Variants in VPS29 observed in about 807,000 individuals in gnomAD.
VPS29 encodes VPS29 retromer complex component.
A neutral mutation model predicts 20.0 loss-of-function variants in VPS29; 2 were observed. That is an observed-to-expected ratio of 0.10 (90% CI 0.04 to 0.31). The LOEUF (loss-of-function observed/expected upper bound fraction) is 0.31. Among genes scored for constraint, VPS29 ranks in the 10% least tolerant of loss-of-function variants. The probability of loss-of-function intolerance (pLI) is 1.00; values close to 1 mark genes in which losing one functional copy is unlikely to be tolerated. For missense variants in VPS29, 120 were observed against 215.3 expected, an observed-to-expected ratio of 0.56 and a Z score of 2.77; for synonymous variants, 81 against 79.3, an observed-to-expected ratio of 1.02 and a Z score of -0.12.
In VPS29 at chr12:110,501,429, T is replaced by TAGCA. The variant is rs1045489163; in HGVS notation, c.3+616_3+619dup. 3.8e-5 allele frequency: 58 copies of TAGCA among 1,535,396 alleles called. No individual in the cohort carries two copies. In the African/African-American group the frequency reaches 7.7e-4, roughly 20 times the overall value. On this transcript the variant is annotated intron_variant, in intron 1 of 3. Coordinates refer to ENST00000549578, the MANE Select transcript of VPS29 (RefSeq NM_016226.5). ...TAAGGAATCCTACCCTAAAGAGGCG[T>TAGCA]AGCAACCCGTGGAAAGAAACAGTTC...
chr12:110,492,223 C>T, intron 3 of VPS29, 101 bp from the exon 4 acceptor site: 1 of 916,192 alleles, frequency 1.1e-6, no homozygotes, highest in South Asian at 1.5e-5. Flanking sequence ...AAATCTGTTA[C>T]ATATCACATG....
At chr12:110,495,958 T>C in intron 2 of VPS29, 54 bp downstream of exon 2, 1 of 1,423,466 alleles carries the variant, frequency 7.0e-7, no homozygotes, top group South Asian at 1.7e-5. Context: ...AAAGCTTATG[T>C]AAGTAATAAT....
chr12:110,493,846 A>C (rs1003612238), intron 2 of VPS29, among the ~76,000 whole-genome samples: 2 of 152,094 alleles, frequency 1.3e-5, no homozygotes, highest in South Asian at 4.1e-4. Context: ...ATTTTCCTTT[A>C]CCTAAGGCAT....
At position 110,491,790 on chromosome 12, in the gene VPS29, G is replaced by C. The variant is rs2062820870; in HGVS notation, c.*215C>G. 1 of 457,510 alleles carries C rather than the reference G, an allele frequency of 2.2e-6. No homozygotes were observed. Among genetic ancestry groups the C allele is most frequent in the Non-Finnish European group, 3.8e-6 (1 of 260,112 alleles). 28.3% of individuals were successfully genotyped at this position (457,510 alleles called of 1,614,324 possible). A position where few individuals can be genotyped will look rare whatever the true frequency, so the allele number is the denominator to read the frequency against. On this transcript the variant is annotated 3_prime_UTR_variant, in exon 4 of 4. Coordinates refer to ENST00000549578, the MANE Select transcript of VPS29 (RefSeq NM_016226.5). ...ACAAGTGACCAATTACTGTGTTGTG[G>C]ACATTTTTTCATAGAATCCATATAC... is the stretch of plus-strand genomic sequence containing the variant.
intron 1 of VPS29, chr12:110,496,472 A>C: frequency 3.7e-6 from 1 of 273,376 alleles, no homozygotes; most frequent in Non-Finnish European, 6.9e-6. Context: ...CTTTGTTCTA[A>C]ATCAATCTTA....
At chr12:110,498,314 C>T (rs1468135051) in intron 1 of VPS29, among the ~76,000 whole-genome samples, 1 of 152,134 alleles carries the variant, frequency 6.6e-6, no homozygotes, top group Admixed American at 6.5e-5. Flanking sequence ...TAAGCACCTT[C>T]ATTCTATACA....
intron 2 of VPS29, among the ~76,000 whole-genome samples, chr12:110,494,251 AT>A (rs913907254): frequency 0.036 from 5,034 of 139,938 alleles, 106 homozygotes; most frequent in African/African-American, 0.083. Context: ...ATATGTATAA[AT>A]TTTTTTTTTT....
rs1031394888 is a variant in VPS29 at position 110,492,102 on chromosome 12, A to G, written c.452T>C (p.Val151Ala). Residue 151 changes from valine (V) to alanine (A), a missense_variant, in exon 4 of 4, where the codon GTG (valine) becomes GCG (alanine). Coordinates refer to ENST00000549578, the MANE Select transcript of VPS29 (RefSeq NM_016226.5). ...ALETNIIPSF[V>A]LMDIQASTVV... is the part of the protein sequence containing the mutation. Reference sequence around the variant, plus strand: ...TGTAGAAGCCTGGATATCCATCAACACAAATGATGGAATAATGTTTCTAGA... The same window carrying G: ...TGTAGAAGCCTGGATATCCATCAACGCAAATGATGGAATAATGTTTCTAGA... 6.2e-7 allele frequency: 1 copy of G among 1,610,484 alleles called. No homozygotes were observed. Among genetic ancestry groups the G allele is most frequent in the Non-Finnish European group, 8.5e-7 (1 of 1,177,324 alleles).
chr12:110,501,456 A>T (rs763514581), intron 1 of VPS29: 2 of 1,535,380 alleles, frequency 1.3e-6, no homozygotes, highest in Non-Finnish European at 1.7e-6. Context: ...AAACAGTTCC[A>T]GCAATTGCAA....
rs1342625661 is a variant in VPS29, at chr12:110,493,220, A to G, written c.207T>C (p.Tyr69=). Residue 69 remains tyrosine, a synonymous_variant, in exon 3 of 4, where the codon TAT becomes TAC. Transcript: ENST00000549578. ...CAACAGTCACAACTTTCTGTTCTGG[A>G]TAATTCAGATTCTAACATAAGAAAA... is the stretch of plus-strand genomic sequence containing the variant. ...VRGDFDENLN[Y]PEQKVVTVGQ... is the part of the protein sequence containing the mutation. 1.2e-5 allele frequency: 19 copies of G among 1,520,578 alleles called. No homozygotes were observed. Among genetic ancestry groups the G allele is most frequent in the Non-Finnish European group, 1.5e-5 (17 of 1,133,688 alleles). The allele number at this position is 1,520,578 out of a possible 1,614,324, so 94.2% of individuals were successfully genotyped here.
intron 1 of VPS29, chr12:110,501,829 C>A (rs768492784): frequency 6.4e-6 from 8 of 1,256,848 alleles, no homozygotes; most frequent in Non-Finnish European, 9.0e-6. Flanking sequence ...CCTCTGGCCC[C>A]TTGGGGCCGG....
At chr12:110,501,287 T>TG in intron 1 of VPS29, 1 of 1,198,972 alleles carries the variant, frequency 8.3e-7, no homozygotes, top group South Asian at 1.4e-5. Context: ...GGTGAAGGGG[T>TG]GATTGCTTGA....
At position 110,501,359 on chromosome 12, in the gene VPS29, T is replaced by G; in HGVS notation, c.3+690A>C. 3 of 1,533,956 alleles carry G rather than the reference T, an allele frequency of 2.0e-6. No homozygotes were observed. The South Asian group carries it at 3.6e-5, about 18-fold the overall frequency. On this transcript the variant is annotated intron_variant, in intron 1 of 3. Transcript: ENST00000549578. ...GGCACTCTCCCCAGAAAAATGTGTATATTCACAAAAATTTCCCAACAGTTT... is the reference window on the plus strand; with the variant it reads ...GGCACTCTCCCCAGAAAAATGTGTAGATTCACAAAAATTTCCCAACAGTTT...
At chr12:110,496,278 C>A (rs903574942) in intron 1 of VPS29, 75 bp from the exon 2 acceptor site, 4 of 1,356,440 alleles carry the variant, frequency 2.9e-6, no homozygotes, top group Non-Finnish European at 4.0e-6. Context: ...TCTTGTAAGC[C>A]CCCTTTTAAG....
chr12:110,492,171 G>A (rs1459225816), intron 3 of VPS29, 49 bp from the exon 4 acceptor site: 2 of 1,375,660 alleles, frequency 1.5e-6, no homozygotes, highest in African/African-American at 2.9e-5. Context: ...CAAAGCAGCA[G>A]CACTATAAAT....
chr12:110,501,806 AC>A (rs1387212004), intron 1 of VPS29: 1 of 1,137,038 alleles, frequency 8.8e-7, no homozygotes, highest in Non-Finnish European at 1.3e-6. Context: ...GGGCCTTTTT[AC>A]CCCTTGGATG....
chr12:110,501,611 T>C (rs1565867093), intron 1 of VPS29: 2 of 1,534,938 alleles, frequency 1.3e-6, no homozygotes, highest in East Asian at 2.4e-5. Flanking sequence ...CTTCCTGTTC[T>C]GCATTCGAGA....
chr12:110,499,342 G>T, intron 1 of VPS29: 1 of 688,906 alleles, frequency 1.5e-6, no homozygotes, highest in Non-Finnish European at 2.2e-6. Flanking sequence ...GATAGACATA[G>T]ATGATAGAGT....
At chr12:110,501,982 A>T (rs763770719) in intron 1 of VPS29, 67 bp downstream of exon 1, 1 of 1,611,152 alleles carries the variant, frequency 6.2e-7, no homozygotes, top group African/African-American at 1.3e-5. Context: ...CGGCCTCCCC[A>T]CGGCTCCCAA....
Sources: gnomAD v4.1 joint callset for allele counts (sites outside exome capture counted in the v4.1 genomes callset) on GRCh38, gnomAD v4.1.1 for gene constraint, MANE v1.5 for transcripts, NCBI Gene and HGNC (gene_info 2026-07-23, HGNC 2026-07-21) for gene names.